PABIR3: variants seen among roughly 807,000 people sequenced by gnomAD.
PABIR3 encodes the protein PABIR family member 3, also known as PABIR family member 1.
PABIR3 carries 20 observed loss-of-function variants against 23.1 expected under a neutral mutation model. The ratio of observed to expected loss-of-function variants is 0.86; its 90% CI spans 0.61 to 1.26. The LOEUF (loss-of-function observed/expected upper bound fraction) is 1.26, where lower values mean the gene tolerates loss of function less well. Among genes scored for constraint, PABIR3 ranks in the 50% most tolerant of loss-of-function variants. The probability of loss-of-function intolerance (pLI) is 0.00; values close to 1 mark genes in which losing one functional copy is unlikely to be tolerated. For missense variants in PABIR3, 189 were observed against 195.4 expected (o/e 0.97, Z 0.20); for synonymous variants, 69 against 68.5 (o/e 1.01, Z -0.04).
chrX:134,848,194 C>G (rs934763303), intron 8 of PABIR3, among the ~76,000 whole-genome samples: 1 of 110,352 alleles, frequency 9.1e-6, no homozygotes, highest in Admixed American at 9.8e-5. Flanking sequence ...AGTTCAAGAC[C>G]AGCCTGAGCA....
Position 134,807,526 on chromosome X carries a change from T to C in PABIR3, c.-59-14T>C, listed in dbSNP as rs773184057. On this transcript the variant is annotated splice_polypyrimidine_tract_variant and intron_variant, in intron 1 of 10. Transcript: ENST00000645433. ...CCTTTGCCTCTCTCCTTACATCACC[T>C]GCCCACTAAGTAGACTTGTCCTTGT... The C allele has an allele frequency of 2.9e-5, 35 of 1,192,582 alleles. No individual in the cohort carries two copies. The highest frequency in any genetic ancestry group is 3.3e-5 in the Non-Finnish European group (29 of 884,473).
At chrX:134,833,827 T>A (rs1454608928) in intron 4 of PABIR3, among the ~76,000 whole-genome samples, 1 of 111,838 alleles carries the variant, frequency 8.9e-6, no homozygotes, top group African/African-American at 3.3e-5. Context: ...TTCATTCATG[T>A]CCCTGCAAAG....
intron 3 of PABIR3, among the ~76,000 whole-genome samples, chrX:134,823,497 G>A (rs192858394): frequency 4.9e-4 from 54 of 110,943 alleles, no homozygotes; most frequent in African/African-American, 1.5e-3. Flanking sequence ...CCTCTTCAAA[G>A]GTGTGTGTGT....
At chrX:134,864,771 A>G in the PABIR3 span, among the ~76,000 whole-genome samples, 1 of 112,195 alleles carries the variant, frequency 8.9e-6, no homozygotes, top group Non-Finnish European at 1.9e-5. Context: ...TGCTATCAAC[A>G]TTTGTGTTTA....
rs374919785 is a variant in PABIR3 at position 134,849,869 on chromosome X, C to CTTTTTTTTT, written c.589+651_589+659dup. 8.2e-3 allele frequency among the ~76,000 whole-genome samples: 480 copies of CTTTTTTTTT among 58,841 alleles called. 84 individuals are homozygous for CTTTTTTTTT. The highest frequency in any genetic ancestry group is 0.052 in the Middle Eastern group (3 of 58). 51.1% of individuals were successfully genotyped at this position (58,841 alleles called of 115,157 possible). A position where few individuals can be genotyped will look rare whatever the true frequency, so the allele number is the denominator to read the frequency against. On this transcript the variant is annotated intron_variant, in intron 9 of 10. Coordinates refer to ENST00000645433, the MANE Select transcript of PABIR3 (RefSeq NM_001388447.1). Reference sequence around the variant, plus strand: ...ACCTCACTAAATTATGCTCTTCTTCCTTTTTTTTTTTTTTTTTTCTTGAGA... The same window carrying CTTTTTTTTT: ...ACCTCACTAAATTATGCTCTTCTTCCTTTTTTTTTTTTTTTTTTTTTTTTTTTCTTGAGA...
At chrX:134,804,400 A>G (rs1178629499), upstream of PABIR3, among the ~76,000 whole-genome samples, 1 of 111,855 alleles carries the variant, frequency 8.9e-6, no homozygotes, top group Non-Finnish European at 1.9e-5. Context: ...AGTCCTATTT[A>G]TATCTTTACA....
At chrX:134,818,892 C>CT (rs1046901181) in intron 3 of PABIR3, among the ~76,000 whole-genome samples, 9 of 89,148 alleles carry the variant, frequency 1.0e-4, no homozygotes, top group Non-Finnish European at 2.1e-4. Context: ...ATTTTAAAAT[C>CT]TTTTTTTCTA....
rs1417984741 is a variant in PABIR3 at position 134,821,258 on chromosome X, A to C, written c.189+6409A>C. 2.9e-5 allele frequency: 28 copies of C among 957,577 alleles called. 1 individual carries two copies. In the East Asian group the frequency reaches 5.3e-4, roughly 18 times the overall value. 78.9% of individuals were successfully genotyped at this position (957,577 alleles called of 1,213,427 possible). A position where few individuals can be genotyped will look rare whatever the true frequency, so the allele number is the denominator to read the frequency against. On this transcript the variant is annotated intron_variant, in intron 3 of 10. Coordinates refer to ENST00000645433, the MANE Select transcript of PABIR3 (RefSeq NM_001388447.1). ...TCCAAGCATTGTAAAAAAAAAAAAA[A>C]AAAAAAAAACTGTTCCCTCACAATT... is the stretch of plus-strand genomic sequence containing the variant.
chrX:134,864,284 C>T, the PABIR3 span, among the ~76,000 whole-genome samples: 2 of 111,197 alleles, frequency 1.8e-5, no homozygotes, highest in Non-Finnish European at 3.8e-5. Flanking sequence ...CTTACCCTCC[C>T]AAAGTGCTGG....
chrX:134,804,097 A>G, upstream of PABIR3: 3 of 566,044 alleles, frequency 5.3e-6, no homozygotes, highest in Non-Finnish European at 5.5e-6. Flanking sequence ...GTTCCCTTTT[A>G]TAGGTGAGGG....
intron 7 of PABIR3, among the ~76,000 whole-genome samples, chrX:134,847,679 A>G (rs1321319909): frequency 8.9e-6 from 1 of 111,909 alleles, no homozygotes; most frequent in Non-Finnish European, 1.9e-5. Context: ...GCATAGGGTT[A>G]GATTAATTTT....
chrX:134,834,469 C>T (rs779525443), intron 4 of PABIR3, among the ~76,000 whole-genome samples: 34 of 111,794 alleles, frequency 3.0e-4, no homozygotes, highest in Non-Finnish European at 5.6e-4. Context: ...TGCCTGTTCA[C>T]GCTGATGATA....
At chrX:134,797,253 T>C (rs958376797) in intron 1 of PABIR3, 2 of 113,539 alleles carry the variant, frequency 1.8e-5, no homozygotes, top group Admixed American at 9.2e-5. Flanking sequence ...GCACGGAGCG[T>C]GCGTGGGAGC....
chrX:134,834,448 A>G (rs2081909960), intron 4 of PABIR3, among the ~76,000 whole-genome samples: 1 of 111,988 alleles, frequency 8.9e-6, no homozygotes, highest in African/African-American at 3.2e-5. Context: ...CTTATCTCCT[A>G]TGCTGTAGGT....
intron 3 of PABIR3, among the ~76,000 whole-genome samples, chrX:134,816,850 G>A (rs1348981904): frequency 8.9e-6 from 1 of 111,915 alleles, no homozygotes; most frequent in Non-Finnish European, 1.9e-5. Context: ...ATACATTTTA[G>A]TGAAATGTTA....
At chrX:134,830,139 T>C (rs978965187) in intron 4 of PABIR3, among the ~76,000 whole-genome samples, 9 of 110,117 alleles carry the variant, frequency 8.2e-5, no homozygotes, top group Admixed American at 6.9e-4. Context: ...CCCAGATTAC[T>C]GGATTATTTT....
In PABIR3 at chrX:134,847,869, C is replaced by T; in HGVS notation, c.439-14C>T. ...AGTGGCGGTTTTAAAACCTCTGTTC[C>T]AATTTGATTTTAGCAGTGTTTCTCT... On this transcript the variant is annotated splice_polypyrimidine_tract_variant and intron_variant, in intron 7 of 10. Transcript: ENST00000645433. 1 of 1,148,144 alleles carries T rather than the reference C, an allele frequency of 8.7e-7. No homozygotes were observed. Among genetic ancestry groups the T allele is most frequent in the Non-Finnish European group, 1.2e-6 (1 of 866,520 alleles). 94.6% of individuals were successfully genotyped at this position (1,148,144 alleles called of 1,213,427 possible). A position where few individuals can be genotyped will look rare whatever the true frequency, so the allele number is the denominator to read the frequency against.
downstream of PABIR3, among the ~76,000 whole-genome samples, chrX:134,855,351 G>A (rs1312931059): frequency 1.8e-5 from 2 of 109,370 alleles, no homozygotes; most frequent in East Asian, 2.8e-4. Flanking sequence ...GGAGAATGGC[G>A]TGAATCCGGG....
rs777001185 is a variant in PABIR3 at position 134,829,233 on chromosome X, C to T, written c.197C>T (p.Pro66Leu). 1 of 1,206,166 alleles carries T rather than the reference C, an allele frequency of 8.3e-7. No homozygotes were observed. ...TFRNRRSLLL[P>L]PPPFHGSISR... ...CTATATTTTAAATTTCAGTTGTTGC[C>T]ACCTCCTCCCTTTCATGGTTCCATC... Residue 66 changes from proline to leucine, a missense_variant, in exon 4 of 11, where the codon CCA becomes CTA. Pro to Leu is a moderately conservative substitution (Grantham distance 98, BLOSUM62 -3). Coordinates refer to ENST00000645433, the MANE Select transcript of PABIR3 (RefSeq NM_001388447.1).
Sources: gnomAD v4.1 joint callset for allele counts (sites outside exome capture counted in the v4.1 genomes callset) on GRCh38, gnomAD v4.1.1 for gene constraint, MANE v1.5 for transcripts, NCBI Gene and HGNC (gene_info 2026-07-23, HGNC 2026-07-21) for gene names.